The following WDR7 variants were observed in gnomAD, a reference collection of about 807,000 sequenced individuals.
The protein encoded by WDR7 is WD repeat-containing protein 7.
WDR7 carries 46 observed loss-of-function variants against 169.4 expected under a neutral mutation model. That is an observed-to-expected ratio of 0.27 (90% CI 0.21 to 0.35). WDR7 has a LOEUF of 0.35. WDR7 is among the 10% of genes least tolerant of loss of function. The pLI, the probability that WDR7 is intolerant of heterozygous loss-of-function variation, is 1.00. For synonymous variants in WDR7, 612 were observed against 666.8 expected (o/e 0.92, Z 1.27); for missense variants, 1,534 against 1,859.3 (o/e 0.83, Z 3.22).
intron 25 of WDR7, among the ~76,000 whole-genome samples, chr18:56,944,138 G>A (rs1401180248): frequency 6.6e-6 from 1 of 151,822 alleles, no homozygotes; most frequent in Non-Finnish European, 1.5e-5. Flanking sequence ...TCAGGTGTGA[G>A]CCACCACGCC....
At chr18:56,716,030 A>AGTGTGTGTGTGT (rs10572330) in intron 12 of WDR7, among the ~76,000 whole-genome samples, 2 of 146,694 alleles carry the variant, frequency 1.4e-5, no homozygotes, top group Admixed American at 1.4e-4. Flanking sequence ...CATACGTAGC[A>AGTGTGTGTGTGT]GTGTGTGTGT....
rs1232463410 is a variant in WDR7, at chr18:57,007,003, G to A, written c.4165-13742G>A. 1.0e-4 allele frequency among the ~76,000 whole-genome samples: 15 copies of A among 145,814 alleles called. No individual in the cohort carries two copies. In the East Asian group the frequency reaches 1.4e-3, roughly 13 times the overall value. On this transcript the variant is annotated intron_variant, in intron 26 of 27. Coordinates refer to ENST00000254442, the MANE Select transcript of WDR7 (RefSeq NM_015285.3). ...TAACTTTTTTTTTTTTTTTTGAGACGGAATCTCGCTCTGTCACCCAGGCTG... is the reference window on the plus strand; with the variant it reads ...TAACTTTTTTTTTTTTTTTTGAGACAGAATCTCGCTCTGTCACCCAGGCTG...
chr18:56,854,659 T>C (rs1246479540), intron 20 of WDR7, among the ~76,000 whole-genome samples: 1 of 152,216 alleles, frequency 6.6e-6, no homozygotes, highest in Non-Finnish European at 1.5e-5. Context: ...TCTTGGCCTT[T>C]CTATGTAGCG....
At chr18:57,023,596 GA>G (rs1327611582) in intron 27 of WDR7, among the ~76,000 whole-genome samples, 2 of 152,150 alleles carry the variant, frequency 1.3e-5, no homozygotes, top group Non-Finnish European at 2.9e-5. Flanking sequence ...TTGAAGGGAA[GA>G]AAAAAGCCAA....
chr18:56,952,723 C>T (rs2047200151), intron 25 of WDR7, among the ~76,000 whole-genome samples: 1 of 152,202 alleles, frequency 6.6e-6, no homozygotes, highest in Non-Finnish European at 1.5e-5. Flanking sequence ...TATTACCTCT[C>T]TTACATTCAG....
intron 26 of WDR7, among the ~76,000 whole-genome samples, chr18:56,997,276 G>GA (rs1324254319): frequency 6.6e-6 from 1 of 152,112 alleles, no homozygotes; most frequent in East Asian, 1.9e-4. Flanking sequence ...GGCAGATATA[G>GA]AAAAAAATAA....
intron 14 of WDR7, among the ~76,000 whole-genome samples, chr18:56,737,231 G>A (rs9675791): frequency 0.036 from 5,495 of 152,248 alleles, 346 homozygotes; most frequent in African/African-American, 0.13. Flanking sequence ...TTTGGCGAAT[G>A]CATACATGCA....
chr18:56,731,601 A>G lies in WDR7; in HGVS notation c.1989+4A>G. On this transcript the variant is annotated splice_donor_region_variant and intron_variant, in intron 14 of 27. Coordinates refer to ENST00000254442, the MANE Select transcript of WDR7 (RefSeq NM_015285.3). Reference sequence around the variant, plus strand: ...GGCTTCTGAGGCATCTGACAAGGTAAGTTTTATATGTGGGCCCATGAAGTG... The same window carrying G: ...GGCTTCTGAGGCATCTGACAAGGTAGGTTTTATATGTGGGCCCATGAAGTG... The G allele has an allele frequency of 1.2e-6, 2 of 1,613,450 alleles. No individual in the cohort carries two copies. Among genetic ancestry groups the G allele is most frequent in the Non-Finnish European group, 1.7e-6 (2 of 1,179,816 alleles).
At chr18:56,916,557 G>A (rs2046628210) in intron 21 of WDR7, among the ~76,000 whole-genome samples, 1 of 152,104 alleles carries the variant, frequency 6.6e-6, no homozygotes. Flanking sequence ...CAAATGGAAG[G>A]CTGGGAACGA....
At chr18:56,790,642 C>CT (rs1259230554) in intron 19 of WDR7, among the ~76,000 whole-genome samples, 1 of 151,114 alleles carries the variant, frequency 6.6e-6, no homozygotes, top group African/African-American at 2.4e-5. Context: ...TCTCTTCCTG[C>CT]TTTTTTTTGT....
chr18:56,826,289 T>C (rs2045203011), intron 20 of WDR7, among the ~76,000 whole-genome samples: 1 of 152,190 alleles, frequency 6.6e-6, no homozygotes, highest in African/African-American at 2.4e-5. Context: ...ATGACAACAA[T>C]GTCTCATAAT....
chr18:56,938,856 C>T (rs561167851), intron 24 of WDR7, among the ~76,000 whole-genome samples, 174 bp downstream of exon 24: 2 of 142,242 alleles, frequency 1.4e-5, no homozygotes. Context: ...AGAGAGATAA[C>T]TAAAATTAAC....
chr18:56,740,576 A>G (rs1288478256), intron 14 of WDR7, among the ~76,000 whole-genome samples: 1 of 152,192 alleles, frequency 6.6e-6, no homozygotes, highest in Non-Finnish European at 1.5e-5. Context: ...CCAACTTAAT[A>G]TAATCAGGGA....
intron 26 of WDR7, among the ~76,000 whole-genome samples, chr18:57,007,663 A>T (rs917910331): frequency 1.3e-5 from 2 of 152,162 alleles, no homozygotes; most frequent in African/African-American, 4.8e-5. Flanking sequence ...TTTAAAGGTG[A>T]TTTGTACATT....
At chr18:56,874,610 T>C (rs909248522) in intron 20 of WDR7, among the ~76,000 whole-genome samples, 1 of 152,118 alleles carries the variant, frequency 6.6e-6, no homozygotes, top group South Asian at 2.1e-4. Context: ...AAATATCCTA[T>C]ACAAAATTCA....
At chr18:56,661,984 T>G (rs1282407207) in intron 1 of WDR7, among the ~76,000 whole-genome samples, 1 of 152,216 alleles carries the variant, frequency 6.6e-6, no homozygotes, top group Non-Finnish European at 1.5e-5. Flanking sequence ...ATAGGAATGT[T>G]CTCTGAGAAT....
chr18:57,023,521 A>G (rs1404617861), intron 27 of WDR7, among the ~76,000 whole-genome samples: 1 of 152,212 alleles, frequency 6.6e-6, no homozygotes, highest in Non-Finnish European at 1.5e-5. Flanking sequence ...GTGATGAATT[A>G]TAGCTGTGTT....
intron 20 of WDR7, among the ~76,000 whole-genome samples, chr18:56,856,244 A>G (rs1195248248): frequency 1.3e-5 from 2 of 152,198 alleles, no homozygotes; most frequent in African/African-American, 4.8e-5. Flanking sequence ...TAAAGATCCT[A>G]TAACTATGGC....
intron 7 of WDR7, among the ~76,000 whole-genome samples, chr18:56,689,537 G>A (rs2025520033): frequency 6.6e-6 from 1 of 152,306 alleles, no homozygotes; most frequent in East Asian, 1.9e-4. Flanking sequence ...TGGGATTATA[G>A]GCATGAGCCA....
Sources: allele counts gnomAD v4.1 joint callset (sites outside exome capture counted in the v4.1 genomes callset), GRCh38; gene constraint gnomAD v4.1.1; transcripts MANE v1.5; gene names NCBI Gene and HGNC (gene_info 2026-07-23, HGNC 2026-07-21).